The following SMIM10L3 variants were observed in gnomAD, a reference collection of about 807,000 sequenced individuals.
SMIM10L3 encodes the protein small integral membrane protein 10 like 3.
At chr7:6,335,318 G>C in the SMIM10L3 span, among the ~76,000 whole-genome samples, 872 of 151,724 alleles carry the variant, frequency 5.7e-3, 9 homozygotes, top group African/African-American at 0.02. Flanking sequence ...TGCCTCCTGG[G>C]TTCAAGTGAT....
chr7:6,344,054 T>C, the SMIM10L3 span, among the ~76,000 whole-genome samples: 1 of 151,960 alleles, frequency 6.6e-6, no homozygotes, highest in African/African-American at 2.4e-5. Context: ...TTCAACTAAC[T>C]TTTAATGTTT....
chr7:6,339,546 C>T, the SMIM10L3 span, among the ~76,000 whole-genome samples: 2 of 149,274 alleles, frequency 1.3e-5, no homozygotes, highest in Admixed American at 6.7e-5. Context: ...TGCAGTGGAG[C>T]AATCTCAGCT....
chr7:6,332,114 A>T, the SMIM10L3 span, among the ~76,000 whole-genome samples: 31 of 60,650 alleles, frequency 5.1e-4, no homozygotes, highest in African/African-American at 6.9e-3. Flanking sequence ...CATCTCACGG[A>T]AAAAAAAAAA....
the SMIM10L3 span, among the ~76,000 whole-genome samples, chr7:6,333,368 G>A: frequency 6.6e-6 from 1 of 152,010 alleles, no homozygotes; most frequent in African/African-American, 2.4e-5. Flanking sequence ...AAATTATTCT[G>A]GCTACACTGT....
chr7:6,340,267 G>A, the SMIM10L3 span, among the ~76,000 whole-genome samples: 3 of 152,108 alleles, frequency 2.0e-5, no homozygotes, highest in African/African-American at 7.2e-5. Context: ...AGCATCCTAA[G>A]GGCATCCCAG....
At chr7:6,330,069 T>C in the SMIM10L3 span, 3 of 338,234 alleles carry the variant, frequency 8.9e-6, no homozygotes, top group Non-Finnish European at 1.7e-5. Context: ...AGAATGGATG[T>C]TGAAGACAGA....
At chr7:6,342,725 C>T in the SMIM10L3 span, among the ~76,000 whole-genome samples, 1 of 151,942 alleles carries the variant, frequency 6.6e-6, no homozygotes, top group Admixed American at 6.6e-5. Context: ...CATAGAAAGA[C>T]ATAAAAGACA....
chr7:6,348,631 C>T, the SMIM10L3 span: 9 of 501,180 alleles, frequency 1.8e-5, no homozygotes, highest in South Asian at 3.1e-5. Flanking sequence ...GAAGTTGATA[C>T]GCAGCCGCCA....
At chr7:6,334,098 G>A in the SMIM10L3 span, among the ~76,000 whole-genome samples, 2 of 150,970 alleles carry the variant, frequency 1.3e-5, no homozygotes, top group East Asian at 2.0e-4. Flanking sequence ...CGCCCACCTT[G>A]GCCTCCCAAA....
At chr7:6,333,732 C>T in the SMIM10L3 span, among the ~76,000 whole-genome samples, 2 of 150,116 alleles carry the variant, frequency 1.3e-5, no homozygotes, top group East Asian at 3.9e-4. Context: ...GGAAAGTGCA[C>T]TTCGAAGAGA....
At chr7:6,344,829 CTCCCAGGGTTCAAGT>C in the SMIM10L3 span, among the ~76,000 whole-genome samples, 3 of 151,820 alleles carry the variant, frequency 2.0e-5, no homozygotes, top group African/African-American at 7.3e-5. Context: ...TAACCTCCAC[CTCCCAGGGTTCAAGT>C]AATTCTCCTG....
At chr7:6,346,573 G>A in the SMIM10L3 span, among the ~76,000 whole-genome samples, 297 of 152,266 alleles carry the variant, frequency 2.0e-3, 1 homozygote, top group African/African-American at 6.8e-3. Flanking sequence ...TAGAGACAGG[G>A]TTTCACCCTG....
the SMIM10L3 span, among the ~76,000 whole-genome samples, chr7:6,344,908 A>C: frequency 2.0e-3 from 296 of 151,300 alleles, 1 homozygote; most frequent in African/African-American, 6.7e-3. Flanking sequence ...TGCCCGGCTA[A>C]TTTTTGTATT....
the SMIM10L3 span, among the ~76,000 whole-genome samples, chr7:6,335,356 G>A: frequency 6.6e-6 from 1 of 151,972 alleles, no homozygotes; most frequent in Admixed American, 6.6e-5. Flanking sequence ...CTGAGTAGCT[G>A]TGATTACAAG....
At chr7:6,331,103 C>T in the SMIM10L3 span, 2,937 of 1,613,394 alleles carry the variant, frequency 1.8e-3, 4 homozygotes, top group Non-Finnish European at 2.3e-3. Context: ...CCTCCTCCGG[C>T]CTGCTGCACT....
At chr7:6,347,824 T>C in the SMIM10L3 span, among the ~76,000 whole-genome samples, 1 of 150,906 alleles carries the variant, frequency 6.6e-6, no homozygotes, top group Non-Finnish European at 1.5e-5. Context: ...GAGGCCAAGA[T>C]GGGAGGATCT....
chr7:6,339,547 A>G, the SMIM10L3 span, among the ~76,000 whole-genome samples: 67,045 of 150,530 alleles, frequency 0.45, 15,667 homozygotes, highest in East Asian at 0.88. Flanking sequence ...GCAGTGGAGC[A>G]ATCTCAGCTC....
the SMIM10L3 span, among the ~76,000 whole-genome samples, chr7:6,333,379 G>C: frequency 6.6e-6 from 1 of 152,102 alleles, no homozygotes; most frequent in African/African-American, 2.4e-5. Flanking sequence ...GCTACACTGT[G>C]ATGGACAGAC....
the SMIM10L3 span, among the ~76,000 whole-genome samples, chr7:6,347,645 A>C: frequency 6.6e-6 from 1 of 152,044 alleles, no homozygotes; most frequent in Admixed American, 6.6e-5. Flanking sequence ...CACGTCTTCC[A>C]CTTTATTTTC....
Sources: gnomAD v4.1 joint callset for allele counts (sites outside exome capture counted in the v4.1 genomes callset) on GRCh38, gnomAD v4.1.1 for gene constraint, MANE v1.5 for transcripts, NCBI Gene and HGNC (gene_info 2026-07-23, HGNC 2026-07-21) for gene names.